The following MGMT variants were observed in gnomAD, a reference collection of about 807,000 sequenced individuals.
MGMT encodes methylated-DNA--protein-cysteine methyltransferase.
MGMT carries 14 observed loss-of-function variants against 15.9 expected under a neutral mutation model. The ratio of observed to expected loss-of-function variants is 0.88; its 90% CI spans 0.58 to 1.37. MGMT has a LOEUF of 1.37. Among genes scored for constraint, MGMT ranks in the 40% most tolerant of loss-of-function variants. The probability of loss-of-function intolerance (pLI) is 0.00; values close to 1 mark genes in which losing one functional copy is unlikely to be tolerated. For missense variants in MGMT, 282 were observed against 268.1 expected (o/e 1.05, Z -0.36); for synonymous variants, 130 against 118.2 (o/e 1.10, Z -0.65).
At chr10:129,748,476 C>T (rs1848719462) in intron 3 of MGMT, among the ~76,000 whole-genome samples, 1 of 152,096 alleles carries the variant, frequency 6.6e-6, no homozygotes, top group African/African-American at 2.4e-5. Flanking sequence ...TCTCAAGGCT[C>T]ATCTTGTGTA....
intron 2 of MGMT, among the ~76,000 whole-genome samples, chr10:129,649,049 A>AT (rs1381010621): frequency 3.3e-5 from 5 of 152,018 alleles, no homozygotes; most frequent in Non-Finnish European, 4.4e-5. Context: ...TGGCTGTGGG[A>AT]TTTTTCAAAA....
At chr10:129,714,781 G>A (rs556877125) in intron 3 of MGMT, among the ~76,000 whole-genome samples, 8 of 152,238 alleles carry the variant, frequency 5.3e-5, no homozygotes, top group Admixed American at 1.3e-4. Context: ...ATGTTTTGCC[G>A]TTGAGGAAAT....
chr10:129,510,178 T>C (rs1046373650), intron 1 of MGMT, among the ~76,000 whole-genome samples: 2 of 152,082 alleles, frequency 1.3e-5, no homozygotes, highest in African/African-American at 4.8e-5. Flanking sequence ...GTTCATGGGA[T>C]GCGCCACAGA....
chr10:129,761,967 A>T lies in MGMT; in HGVS notation c.414+2626A>T, dbSNP rs866701659. On this transcript the variant is annotated intron_variant, in intron 4 of 4. Coordinates refer to ENST00000651593, the MANE Select transcript of MGMT (RefSeq NM_002412.5). ...CAAGAAGCCTTCAGCTACGTAGTTT[A>T]CTATGGTTCAGGTTGACAGCCTCCC... is the stretch of plus-strand genomic sequence containing the variant. Among the ~76,000 whole-genome samples, 11 of 152,318 alleles carry T rather than the reference A, an allele frequency of 7.2e-5. 1 individual carries two copies. The South Asian group carries it at 2.3e-3, about 32-fold the overall frequency.
At chr10:129,722,945 G>T (rs1848389292) in intron 3 of MGMT, among the ~76,000 whole-genome samples, 1 of 145,104 alleles carries the variant, frequency 6.9e-6, no homozygotes, top group Non-Finnish European at 1.5e-5. Context: ...GACAGAGGTT[G>T]CAGTGAGCTG....
At chr10:129,625,371 A>G (rs900780959) in intron 2 of MGMT, among the ~76,000 whole-genome samples, 2 of 152,248 alleles carry the variant, frequency 1.3e-5, no homozygotes, top group African/African-American at 4.8e-5. Flanking sequence ...CATAAGACCA[A>G]CACAACCATG....
intron 2 of MGMT, among the ~76,000 whole-genome samples, chr10:129,613,739 T>G (rs1297649479): frequency 6.6e-6 from 1 of 152,136 alleles, no homozygotes; most frequent in Non-Finnish European, 1.5e-5. Flanking sequence ...GGCTGATGGG[T>G]CCTGTCCCTC....
At chr10:129,635,107 G>T (rs1847250772) in intron 2 of MGMT, among the ~76,000 whole-genome samples, 1 of 152,212 alleles carries the variant, frequency 6.6e-6, no homozygotes, top group Non-Finnish European at 1.5e-5. Context: ...AGGCATTCCA[G>T]TGTGGCTGTC....
At chr10:129,507,267 G>A (rs755733718) in intron 1 of MGMT, among the ~76,000 whole-genome samples, 5 of 152,198 alleles carry the variant, frequency 3.3e-5, no homozygotes, top group Admixed American at 6.5e-5. Flanking sequence ...CATGTCCTTG[G>A]GTTTGGCTTC....
Position 129,671,628 on chromosome 10 carries a change from GAGA to G in MGMT, c.126-36263_126-36261del, listed in dbSNP as rs1202049144. 5.9e-5 allele frequency among the ~76,000 whole-genome samples: 9 copies of G among 152,310 alleles called. 1 individual carries two copies. The highest frequency in any genetic ancestry group is 2.2e-4 in the African/African-American group (9 of 41,582). On this transcript the variant is annotated intron_variant, in intron 2 of 4. Transcript: ENST00000651593. ...AAAATCTAGATTTCAAAATGTGATGGAGAAGATGTTAGTAAGGTGCATTCATTT... is the reference window on the plus strand; with the variant it reads ...AAAATCTAGATTTCAAAATGTGATGGAGATGTTAGTAAGGTGCATTCATTT...
At chr10:129,682,840 T>G (rs1847867553) in intron 2 of MGMT, among the ~76,000 whole-genome samples, 2 of 152,208 alleles carry the variant, frequency 1.3e-5, no homozygotes, top group South Asian at 2.1e-4. Context: ...ATTTGTGCCT[T>G]TTACATACCA....
intron 3 of MGMT, among the ~76,000 whole-genome samples, chr10:129,710,695 T>C (rs932455115): frequency 3.3e-5 from 5 of 152,166 alleles, no homozygotes; most frequent in African/African-American, 1.2e-4. Context: ...CAGGTTGTTA[T>C]CTTGTAACAT....
rs575197191 is a variant in MGMT, at chr10:129,607,066, T to G, written c.125+70689T>G. 2.6e-4 allele frequency among the ~76,000 whole-genome samples: 39 copies of G among 152,270 alleles called. 1 individual carries two copies. The South Asian group carries it at 5.6e-3, about 22-fold the overall frequency. On this transcript the variant is annotated intron_variant, in intron 2 of 4. Coordinates refer to ENST00000651593, the MANE Select transcript of MGMT (RefSeq NM_002412.5). ...ATGGTAGCTTCACAAGAGTTCTGAG[T>G]TGGCACCCTCCGGTTTGGGAGGTAG...
intron 3 of MGMT, among the ~76,000 whole-genome samples, chr10:129,749,977 T>A (rs1301812550): frequency 6.6e-6 from 1 of 152,180 alleles, no homozygotes; most frequent in Non-Finnish European, 1.5e-5. Context: ...GACTTTTTTC[T>A]TGTTGAATTT....
chr10:129,662,494 C>A (rs1415859598), intron 2 of MGMT, among the ~76,000 whole-genome samples: 4 of 152,056 alleles, frequency 2.6e-5, no homozygotes, highest in Non-Finnish European at 5.9e-5. Context: ...AAACACTTTA[C>A]AAAATATTAA....
intron 4 of MGMT, among the ~76,000 whole-genome samples, chr10:129,766,040 C>T (rs181735923): frequency 1.4e-4 from 22 of 152,338 alleles, no homozygotes; most frequent in Admixed American, 2.6e-4. Context: ...CAGGGATTCC[C>T]TTCCCCTGGT....
At chr10:129,467,923 T>C (rs959375047) in intron 1 of MGMT, among the ~76,000 whole-genome samples, 1 of 152,172 alleles carries the variant, frequency 6.6e-6, no homozygotes, top group African/African-American at 2.4e-5. Flanking sequence ...GGGTTCATCA[T>C]CTCCTGAAAT....
chr10:129,554,498 ACTGT>A (rs759065295), intron 2 of MGMT, among the ~76,000 whole-genome samples: 5 of 152,064 alleles, frequency 3.3e-5, no homozygotes, highest in Non-Finnish European at 5.9e-5. Flanking sequence ...TGGTATTTTA[ACTGT>A]CTATGTCCTG....
chr10:129,523,102 CTG>C (rs777537208), intron 1 of MGMT, among the ~76,000 whole-genome samples: 3 of 152,274 alleles, frequency 2.0e-5, no homozygotes, highest in Non-Finnish European at 2.9e-5. Flanking sequence ...TCATGACAGA[CTG>C]TCACTGTGCA....
Sources: allele counts gnomAD v4.1 joint callset (sites outside exome capture counted in the v4.1 genomes callset), GRCh38; gene constraint gnomAD v4.1.1; transcripts MANE v1.5; gene names NCBI Gene and HGNC (gene_info 2026-07-23, HGNC 2026-07-21).